STAMBP: variants seen among roughly 807,000 people sequenced by gnomAD.
STAMBP encodes the protein STAM binding protein.
A neutral mutation model predicts 50.7 loss-of-function variants in STAMBP; 31 were observed. The observed-to-expected ratio is 0.61, with a 90% confidence interval of 0.46 to 0.83. STAMBP has a LOEUF of 0.83. Ranked by LOEUF, STAMBP falls within the 40% of genes least tolerant of loss-of-function variation. The pLI is 0.00. For missense variants in STAMBP, 472 were observed against 518.9 expected, an observed-to-expected ratio of 0.91 and a Z score of 0.88; for synonymous variants, 211 against 192.4, an observed-to-expected ratio of 1.10 and a Z score of -0.80.
intron 8 of STAMBP, among the ~76,000 whole-genome samples, chr2:73,859,600 A>G (rs1203280471): frequency 1.3e-5 from 2 of 152,164 alleles, no homozygotes; most frequent in African/African-American, 4.8e-5. Flanking sequence ...AAAGTCTACA[A>G]GAAATTTGAA....
chr2:73,873,178 T>G (rs1303420429), intron 10 of STAMBP, among the ~76,000 whole-genome samples: 2 of 152,244 alleles, frequency 1.3e-5, no homozygotes, highest in Non-Finnish European at 2.9e-5. Context: ...TGCATGCATT[T>G]TAAACAACTC....
At chr2:73,832,297 A>T (rs1309857428) in intron 2 of STAMBP, among the ~76,000 whole-genome samples, 1 of 151,622 alleles carries the variant, frequency 6.6e-6, no homozygotes, top group Non-Finnish European at 1.5e-5. Flanking sequence ...TCTACTAAAA[A>T]TACAAAAATT....
At chr2:73,856,696 A>T (rs567149914) in intron 7 of STAMBP, among the ~76,000 whole-genome samples, 1 of 152,204 alleles carries the variant, frequency 6.6e-6, no homozygotes, top group Non-Finnish European at 1.5e-5. Flanking sequence ...ATCCAACATC[A>T]TAGTCCTTGA....
chr2:73,872,534 AAGG>A (rs149232161), intron 10 of STAMBP, among the ~76,000 whole-genome samples: 13,522 of 152,154 alleles, frequency 0.089, 1,017 homozygotes, highest in East Asian at 0.3. Flanking sequence ...CTCTGTCCTC[AAGG>A]AGCAGATAAG....
At chr2:73,843,345 A>G (rs1361106582) in intron 2 of STAMBP, among the ~76,000 whole-genome samples, 2 of 148,698 alleles carry the variant, frequency 1.3e-5, no homozygotes, top group Non-Finnish European at 3.0e-5. Context: ...CTACAGATGC[A>G]TACCACCACA....
In STAMBP at chr2:73,845,263, G is replaced by A. The variant is rs765777459; in HGVS notation, c.375+1G>A. 1.9e-6 allele frequency: 3 copies of A among 1,601,362 alleles called. No homozygotes were observed. The highest frequency in any genetic ancestry group is 1.1e-5 in the South Asian group (1 of 90,654). On this transcript the variant is annotated splice_donor_variant, in intron 4 of 9. Transcript: ENST00000394070. LOFTEE classifies it high-confidence loss of function. ...ATATACAGAATATAATGAAGAAAAG[G>A]TCAGTATATAACAGCTAAGAAGAAA...
Position 73,859,300 on chromosome 2 carries a change from C to G in STAMBP, c.1052C>G (p.Thr351Ser), listed in dbSNP as rs774018752. The change falls in exon 8 of 10, where the codon ACT becomes AGT. Residue 351 changes from threonine to serine, a missense_variant. By Grantham distance (58) the Thr-to-Ser change is moderately conservative. Transcript: ENST00000394070. Reference protein sequence around the residue: ...TAFLSSVDLHTHCSYQMMLPE... With the variant: ...TAFLSSVDLHSHCSYQMMLPE... ...TTTCTCTCCAGTGTCGACCTACACA[C>G]TCACTGCTCTTACCAGATGATGTTG... The G allele has an allele frequency of 6.8e-6, 11 of 1,614,076 alleles. No homozygotes were observed. In the African/African-American group the frequency reaches 1.2e-4, roughly 18 times the overall value.
chr2:73,834,219 AAAAAAAAAAAAAAAAAAATATAT>A (rs1184672002), intron 2 of STAMBP, among the ~76,000 whole-genome samples: 5 of 18,778 alleles, frequency 2.7e-4, no homozygotes, highest in South Asian at 2.2e-3. Flanking sequence ...TAAAAAAAAA[AAAAAAAAAAAAAAAAAAATATAT>A]ATATATATAT....
At chr2:73,868,822 C>A (rs1450169941), downstream of STAMBP, among the ~76,000 whole-genome samples, 1 of 151,912 alleles carries the variant, frequency 6.6e-6, no homozygotes, top group East Asian at 1.9e-4. Context: ...CTATAGTGAG[C>A]TGTGATAGCG....
chr2:73,831,100 G>A lies in STAMBP; in HGVS notation c.203+41G>A. 4 of 1,541,446 alleles carry A rather than the reference G, an allele frequency of 2.6e-6. No individual in the cohort carries two copies. The South Asian group carries it at 3.4e-5, about 13-fold the overall frequency. Reference sequence around the variant, plus strand: ...TTTCCTTTTTCCTTTCTGGTGACTGGTGCCTCGCCTATTTGGCTCAGAATT... The same window carrying A: ...TTTCCTTTTTCCTTTCTGGTGACTGATGCCTCGCCTATTTGGCTCAGAATT... On this transcript the variant is annotated intron_variant, in intron 2 of 9. Coordinates refer to ENST00000394070, the MANE Select transcript of STAMBP (RefSeq NM_213622.4).
rs1342039858 is a variant in STAMBP, at chr2:73,865,258, T to G, written c.*2999T>G. 4 of 152,246 alleles carry G rather than the reference T, an allele frequency of 2.6e-5. No individual in the cohort carries two copies. The highest frequency in any genetic ancestry group is 9.6e-5 in the African/African-American group (4 of 41,458). 9.4% of individuals were successfully genotyped at this position (152,246 alleles called of 1,614,324 possible). ...TCTGGTGAATCCTGCAATTTTGATA[T>G]GTTTCCAGTGGATTTTGAGAACACA... On this transcript the variant is annotated 3_prime_UTR_variant, in exon 10 of 10. Transcript: ENST00000394070.
chr2:73,859,523 A>G (rs1462494651), intron 8 of STAMBP, among the ~76,000 whole-genome samples, 157 bp downstream of exon 8: 1 of 152,172 alleles, frequency 6.6e-6, no homozygotes, highest in Non-Finnish European at 1.5e-5. Flanking sequence ...TAAGCCCCAT[A>G]TCATGATTTA....
intron 10 of STAMBP, among the ~76,000 whole-genome samples, chr2:73,872,991 C>A (rs1384096791): frequency 6.6e-6 from 1 of 152,180 alleles, no homozygotes; most frequent in Non-Finnish European, 1.5e-5. Flanking sequence ...TAGAGGGGTT[C>A]TGTTTTCCCA....
intron 2 of STAMBP, among the ~76,000 whole-genome samples, chr2:73,839,487 T>C (rs1033864247): frequency 2.6e-5 from 4 of 152,156 alleles, no homozygotes; most frequent in African/African-American, 9.7e-5. Flanking sequence ...TTTGCTGGGA[T>C]TGGGGTTTAT....
chr2:73,856,846 G>T (rs1677611964), intron 7 of STAMBP, among the ~76,000 whole-genome samples: 1 of 152,148 alleles, frequency 6.6e-6, no homozygotes, highest in African/African-American at 2.4e-5. Flanking sequence ...TGTGCAGCAG[G>T]TATGTGCCTG....
At chr2:73,871,862 G>T (rs776315269), downstream of STAMBP, among the ~76,000 whole-genome samples, 3 of 152,052 alleles carry the variant, frequency 2.0e-5, no homozygotes, top group Non-Finnish European at 4.4e-5. Context: ...CTACCTCCTG[G>T]GTTCAAGTGA....
intron 2 of STAMBP, among the ~76,000 whole-genome samples, chr2:73,837,912 G>A (rs1409065012): frequency 6.6e-6 from 1 of 152,176 alleles, no homozygotes; most frequent in African/African-American, 2.4e-5. Flanking sequence ...AGGTTCAAGA[G>A]GCAGGAGGAA....
chr2:73,830,635 T>C (rs1446291856), intron 1 of STAMBP, among the ~76,000 whole-genome samples: 2 of 152,352 alleles, frequency 1.3e-5, no homozygotes, highest in East Asian at 3.9e-4. Context: ...TTGTATGTTT[T>C]CTAGTCTGCC....
chr2:73,868,372 G>A (rs377435339), downstream of STAMBP, among the ~76,000 whole-genome samples: 11 of 151,966 alleles, frequency 7.2e-5, no homozygotes, highest in East Asian at 5.8e-4. Context: ...GTGATGAGTC[G>A]GATGGCAGCC....
Sources: gnomAD v4.1 joint callset for allele counts (sites outside exome capture counted in the v4.1 genomes callset) on GRCh38, gnomAD v4.1.1 for gene constraint, MANE v1.5 for transcripts, NCBI Gene and HGNC (gene_info 2026-07-23, HGNC 2026-07-21) for gene names.